The following SAXO1 variants were observed in gnomAD, a reference collection of about 807,000 sequenced individuals.
SAXO1 encodes stabilizer of axonemal microtubules 1.
Under a neutral mutation model 17.5 loss-of-function variants are expected in SAXO1, and 21 were observed. That is an observed-to-expected ratio of 1.20 (90% CI 0.85 to 1.72). The LOEUF (loss-of-function observed/expected upper bound fraction) is 1.72, where lower values mean the gene tolerates loss of function less well. Ranked by LOEUF, SAXO1 falls within the 40% of genes most tolerant of loss-of-function variation. The pLI, the probability that SAXO1 is intolerant of heterozygous loss-of-function variation, is 0.00. For synonymous variants in SAXO1, 274 were observed against 216.5 expected, an observed-to-expected ratio of 1.27 and a Z score of -2.33; for missense variants, 843 against 596.0, an observed-to-expected ratio of 1.41 and a Z score of -4.32.
At chr9:18,938,528 G>A (rs1831398493) in intron 3 of SAXO1, among the ~76,000 whole-genome samples, 1 of 151,962 alleles carries the variant, frequency 6.6e-6, no homozygotes, top group Admixed American at 6.6e-5. Flanking sequence ...CAGTACTAAG[G>A]GGGCAGGGGG....
Position 19,033,179 on chromosome 9 carries a change from G to C in SAXO1, c.-271C>G, listed in dbSNP as rs552432125. The C allele has an allele frequency of 7.6e-6, 3 of 394,422 alleles. No homozygotes were observed. In the East Asian group the frequency reaches 1.1e-4, roughly 15 times the overall value. The allele number at this position is 394,422 out of a possible 1,614,324, so 24.4% of individuals were successfully genotyped here. On this transcript the variant is annotated 5_prime_UTR_variant, in exon 1 of 4. Transcript: ENST00000380534. The stretch of plus-strand genomic sequence containing the variant: ...GCACGCCACCGCCCCGGCCTCCGCA[G>C]TCCAGACTTAAGCACCTGGAGCGGC...
chr9:19,020,440 C>T (rs910992447), intron 1 of SAXO1, among the ~76,000 whole-genome samples: 2 of 151,976 alleles, frequency 1.3e-5, no homozygotes, highest in South Asian at 4.2e-4. Context: ...CAACCTCCGC[C>T]TCCAAGGCTC....
intron 1 of SAXO1, among the ~76,000 whole-genome samples, chr9:19,031,445 C>G (rs1835766199): frequency 6.6e-6 from 1 of 152,154 alleles, no homozygotes. Flanking sequence ...GCCTGTAATC[C>G]CATCTACTCA....
chr9:18,976,966 G>A (rs952284128), intron 1 of SAXO1, among the ~76,000 whole-genome samples: 1 of 152,124 alleles, frequency 6.6e-6, no homozygotes, highest in Non-Finnish European at 1.5e-5. Context: ...CCTGGCTCAC[G>A]GCTGTTATCA....
At chr9:19,024,300 C>T (rs1350487345) in intron 1 of SAXO1, among the ~76,000 whole-genome samples, 3 of 151,938 alleles carry the variant, frequency 2.0e-5, no homozygotes, top group Non-Finnish European at 4.4e-5. Context: ...CTGTGCTCCT[C>T]TCCCGCCTAA....
At chr9:18,992,062 G>A (rs1445567399) in intron 1 of SAXO1, among the ~76,000 whole-genome samples, 1 of 152,184 alleles carries the variant, frequency 6.6e-6, no homozygotes, top group Admixed American at 6.5e-5. Context: ...ACCCCCCAAT[G>A]AGATAGGTGT....
upstream of SAXO1, among the ~76,000 whole-genome samples, chr9:19,036,364 G>T (rs1563996706): frequency 6.6e-6 from 1 of 152,108 alleles, no homozygotes; most frequent in Non-Finnish European, 1.5e-5. Context: ...GTAGCCAAAT[G>T]TTAATCCCCA....
intron 1 of SAXO1, among the ~76,000 whole-genome samples, chr9:18,955,970 G>A (rs949643742): frequency 6.6e-5 from 10 of 151,156 alleles, no homozygotes; most frequent in African/African-American, 2.4e-4. Flanking sequence ...GACAGGGACC[G>A]ACTTTGTCAC....
chr9:18,951,642 G>A (rs1832044112), intron 1 of SAXO1, among the ~76,000 whole-genome samples: 1 of 152,124 alleles, frequency 6.6e-6, no homozygotes, highest in African/African-American at 2.4e-5. Flanking sequence ...CCCTGTGTGT[G>A]CACATATTTT....
intron 2 of SAXO1, among the ~76,000 whole-genome samples, chr9:18,946,589 T>A (rs1831808352): frequency 6.6e-6 from 1 of 151,526 alleles, no homozygotes; most frequent in African/African-American, 2.4e-5. Flanking sequence ...GTGTCCACAA[T>A]GTAGCAACAT....
Position 18,928,574 on chromosome 9 carries a change from C to T in SAXO1, c.903G>A (p.Met301Ile). 5 of 1,614,086 alleles carry T rather than the reference C, an allele frequency of 3.1e-6. No homozygotes were observed. Among genetic ancestry groups the T allele is most frequent in the Non-Finnish European group, 4.2e-6 (5 of 1,180,018 alleles). Residue 301 changes from methionine to isoleucine, a missense_variant, in exon 4 of 4, where the codon ATG becomes ATA. By Grantham distance (10) the Met-to-Ile change is conservative. Transcript: ENST00000380534. ...GGGCCTGCACTGTTGTCAGAAGATCCATCCTGTCTTCGGGAGGGACGTAGG... is the reference window on the plus strand; with the variant it reads ...GGGCCTGCACTGTTGTCAGAAGATCTATCCTGTCTTCGGGAGGGACGTAGG... ...PITYVPPEDR[M>I]DLLTTVQAHY...
chr9:18,971,213 C>A lies in SAXO1; in HGVS notation c.39-20276G>T, dbSNP rs116264564. Among the ~76,000 whole-genome samples the A allele has an allele frequency of 3.3e-3, 499 of 152,246 alleles. 4 individuals are homozygous for A. The highest frequency in any genetic ancestry group is 0.011 in the African/African-American group (468 of 41,554). ...GACAGGAAGATCCTGACTTGGTAGC[C>A]AATGCCAAATTCAATTGAGCAGCGA... is the stretch of plus-strand genomic sequence containing the variant. On this transcript the variant is annotated intron_variant, in intron 1 of 3. Coordinates refer to ENST00000380534, the MANE Select transcript of SAXO1 (RefSeq NM_153707.4).
intron 1 of SAXO1, among the ~76,000 whole-genome samples, chr9:19,043,327 T>A (rs140898334): frequency 4.3e-4 from 66 of 152,314 alleles, no homozygotes; most frequent in Non-Finnish European, 8.4e-4. Context: ...TCTCACTTAT[T>A]TGTGGGAGCT....
chr9:18,927,985 A>G lies in SAXO1; in HGVS notation c.*67T>C. ...CATTTTAGGGAATTCTTTTTTGTCC[A>G]ACAAATAATTCTCAGTTGTCTGCTT... is the stretch of plus-strand genomic sequence containing the variant. On this transcript the variant is annotated 3_prime_UTR_variant, in exon 4 of 4. Coordinates refer to ENST00000380534, the MANE Select transcript of SAXO1 (RefSeq NM_153707.4). The G allele has an allele frequency of 1.4e-6, 2 of 1,440,748 alleles. No homozygotes were observed. The highest frequency in any genetic ancestry group is 9.2e-7 in the Non-Finnish European group (1 of 1,086,694). The allele number at this position is 1,440,748 out of a possible 1,614,324, so 89.2% of individuals were successfully genotyped here. A position where few individuals can be genotyped will look rare whatever the true frequency, so the allele number is the denominator to read the frequency against.
chr9:19,038,329 T>A (rs915510055), intron 1 of SAXO1, among the ~76,000 whole-genome samples: 2 of 152,132 alleles, frequency 1.3e-5, no homozygotes, highest in African/African-American at 4.8e-5. Flanking sequence ...GCAGCACTAT[T>A]CACAATACCA....
At chr9:19,014,460 C>CAA (rs375593725) in intron 1 of SAXO1, among the ~76,000 whole-genome samples, 1 of 88,548 alleles carries the variant, frequency 1.1e-5, no homozygotes, top group African/African-American at 4.9e-5. Flanking sequence ...AACTGTGTCT[C>CAA]AAAAAAAAAA....
At chr9:19,026,841 C>T in intron 1 of SAXO1, 1 of 596,902 alleles carries the variant, frequency 1.7e-6, no homozygotes, top group South Asian at 1.6e-5. Flanking sequence ...CCAGCCTGGC[C>T]AACATGGTGA....
At chr9:18,984,461 T>G (rs1833517061) in intron 1 of SAXO1, among the ~76,000 whole-genome samples, 1 of 152,260 alleles carries the variant, frequency 6.6e-6, no homozygotes, top group African/African-American at 2.4e-5. Context: ...AATAGCTGCC[T>G]TCACCAGTGA....
chr9:18,970,340 C>T (rs1022684475), intron 1 of SAXO1, among the ~76,000 whole-genome samples: 1 of 152,244 alleles, frequency 6.6e-6, no homozygotes, highest in Non-Finnish European at 1.5e-5. Context: ...TCCCTTTCCT[C>T]ATCCTGCATA....
Sources: allele counts gnomAD v4.1 joint callset (sites outside exome capture counted in the v4.1 genomes callset), GRCh38; gene constraint gnomAD v4.1.1; transcripts MANE v1.5; gene names NCBI Gene and HGNC (gene_info 2026-07-23, HGNC 2026-07-21).